Variants in CACNA1C observed in about 807,000 individuals in gnomAD.
The protein encoded by CACNA1C is calcium voltage-gated channel subunit alpha1 C, also known as voltage-dependent L-type calcium channel subunit alpha-1C.
A neutral mutation model predicts 229.0 loss-of-function variants in CACNA1C; 30 were observed. That is an observed-to-expected ratio of 0.13 (90% CI 0.10 to 0.18). The LOEUF is 0.18. Ranked by LOEUF, CACNA1C falls within the 10% of genes least tolerant of loss-of-function variation. CACNA1C has a pLI of 1.00. For missense variants in CACNA1C, 1,658 were observed against 2,845.0 expected, an observed-to-expected ratio of 0.58 and a Z score of 9.49; for synonymous variants, 1,114 against 1,132.5, an observed-to-expected ratio of 0.98 and a Z score of 0.33.
chr12:2,024,691 G>C (rs368298461), intron 1 of CACNA1C, among the ~76,000 whole-genome samples: 9 of 152,384 alleles, frequency 5.9e-5, no homozygotes, highest in Admixed American at 2.6e-4. Flanking sequence ...ACAAGTAGCA[G>C]GTTCTGACAT....
At chr12:2,620,150 A>G (rs930374212) in intron 29 of CACNA1C, among the ~76,000 whole-genome samples, 1 of 152,178 alleles carries the variant, frequency 6.6e-6, no homozygotes, top group East Asian at 1.9e-4. Flanking sequence ...ATGGCCTCCC[A>G]TTTTACATCT....
chr12:2,458,184 C>T (rs1231515040), intron 5 of CACNA1C, among the ~76,000 whole-genome samples: 1 of 152,212 alleles, frequency 6.6e-6, no homozygotes, highest in African/African-American at 2.4e-5. Context: ...TCCTCCCTTC[C>T]TGTCAAATGG....
At chr12:2,351,580 C>T (rs766438644) in intron 3 of CACNA1C, among the ~76,000 whole-genome samples, 1 of 152,178 alleles carries the variant, frequency 6.6e-6, no homozygotes, top group Non-Finnish European at 1.5e-5. Flanking sequence ...GTTGAGGGAC[C>T]TTAGGGTCCA....
chr12:1,992,023 C>T (rs2039547984), intron 1 of CACNA1C: 1 of 307,682 alleles, frequency 3.3e-6, no homozygotes, highest in Admixed American at 3.5e-5. Flanking sequence ...CAAAACAATT[C>T]AAACTATAAA....
intron 1 of CACNA1C, chr12:1,991,924 G>C (rs2039522899): frequency 5.9e-6 from 1 of 168,222 alleles, no homozygotes; most frequent in Non-Finnish European, 1.3e-5. Flanking sequence ...AGGTAACTTT[G>C]TAGTTATTTT....
At chr12:1,972,904 T>A (rs1399770503) in intron 1 of CACNA1C, among the ~76,000 whole-genome samples, 1 of 152,034 alleles carries the variant, frequency 6.6e-6, no homozygotes, top group Non-Finnish European at 1.5e-5. Flanking sequence ...AGTGGCAGTG[T>A]TTTCACAGCA....
intron 3 of CACNA1C, among the ~76,000 whole-genome samples, chr12:2,166,403 C>T (rs954477494): frequency 1.3e-5 from 2 of 152,174 alleles, no homozygotes; most frequent in African/African-American, 4.8e-5. Context: ...CTTCATATAG[C>T]CTTGGGCGTT....
Position 2,665,757 on chromosome 12 carries a change from A to C in CACNA1C, c.4526+49A>C. ...GATTCCCCAAGCTGAGAGAGGGTAT[A>C]GCTGACCATACCTGCAGGAGGGGCT... On this transcript the variant is annotated intron_variant, in intron 36 of 46. Transcript: ENST00000399655. The surrounding 1 kb of genome is among the most constrained non-coding windows in gnomAD (Gnocchi z 5.9). 6.3e-7 allele frequency: 1 copy of C among 1,578,086 alleles called. No individual in the cohort carries two copies. Among genetic ancestry groups the C allele is most frequent in the Non-Finnish European group, 8.6e-7 (1 of 1,159,918 alleles).
intron 3 of CACNA1C, among the ~76,000 whole-genome samples, chr12:2,441,335 A>C (rs768879152): frequency 6.6e-6 from 1 of 152,212 alleles, no homozygotes; most frequent in Non-Finnish European, 1.5e-5. Flanking sequence ...TAGACACTTC[A>C]GTCAGTCTCT....
Position 2,440,725 on chromosome 12 carries a change from C to T in CACNA1C, c.478-8251C>T, listed in dbSNP as rs369009095. 2.0e-4 allele frequency among the ~76,000 whole-genome samples: 30 copies of T among 152,352 alleles called. No homozygotes were observed. In the South Asian group the frequency reaches 6.2e-3, roughly 32 times the overall value. On this transcript the variant is annotated intron_variant, in intron 3 of 46. Coordinates refer to ENST00000399655, the MANE Select transcript of CACNA1C (RefSeq NM_000719.7). ...ATGTCAGACCAGCCATGGAGAAACT[C>T]TCATGCCCCTCACATAGGCAAGACA...
chr12:1,997,523 T>C (rs2041228991), intron 1 of CACNA1C, among the ~76,000 whole-genome samples: 1 of 152,040 alleles, frequency 6.6e-6, no homozygotes, highest in Non-Finnish European at 1.5e-5. Context: ...CGAGACTCCA[T>C]CTCAAAAAAA....
At chr12:2,233,685 T>A (rs759425057) in intron 3 of CACNA1C, among the ~76,000 whole-genome samples, 1 of 152,238 alleles carries the variant, frequency 6.6e-6, no homozygotes, top group Non-Finnish European at 1.5e-5. Flanking sequence ...CTTCTTCAGA[T>A]GCAAGGAGGC....
rs757106180 is a variant in CACNA1C at position 2,608,646 on chromosome 12, C to T, written c.3492C>T (p.Phe1164=). The T allele has an allele frequency of 8.1e-6, 13 of 1,614,020 alleles. No individual in the cohort carries two copies. In the African/African-American group the frequency reaches 1.3e-4, roughly 17 times the overall value. ...TCATGATGAACATCTTCGTGGGCTTCGTCATCGTCACCTTTCAGGAGCAGG... is the reference window on the plus strand; with the variant it reads ...TCATGATGAACATCTTCGTGGGCTTTGTCATCGTCACCTTTCAGGAGCAGG... ...AFFMMNIFVG[F]VIVTFQEQGE... The change falls in exon 27 of 47, where the codon TTC becomes TTT. Residue 1164 remains phenylalanine (F), a synonymous_variant. Coordinates refer to ENST00000399655, the MANE Select transcript of CACNA1C (RefSeq NM_000719.7). This position sits in a 1 kb window ranked among gnomAD's most constrained non-coding sequence, Gnocchi z 4.2.
In CACNA1C at chr12:2,174,876, C is replaced by G. The variant is rs977482502; in HGVS notation, c.477+54446C>G. Among the ~76,000 whole-genome samples the G allele has an allele frequency of 5.3e-5, 8 of 152,142 alleles. 1 individual carries two copies. Among genetic ancestry groups the G allele is most frequent in the Admixed American group, 5.2e-4 (8 of 15,268 alleles). ...TCCTAAGGAAGGTAAAATATATTTA[C>G]TATTCATTAAGTGGAAGTGAACCAT... On this transcript the variant is annotated intron_variant, in intron 3 of 46. Coordinates refer to ENST00000399655, the MANE Select transcript of CACNA1C (RefSeq NM_000719.7).
At chr12:2,474,787 GAAA>G (rs2099615263) in intron 5 of CACNA1C, among the ~76,000 whole-genome samples, 1 of 149,112 alleles carries the variant, frequency 6.7e-6, no homozygotes, top group African/African-American at 2.5e-5. Flanking sequence ...GAAAGAAAAA[GAAA>G]AAAAGAAATG....
At chr12:2,330,872 GAA>G (rs1321768132) in intron 3 of CACNA1C, among the ~76,000 whole-genome samples, 1 of 152,180 alleles carries the variant, frequency 6.6e-6, no homozygotes, top group Non-Finnish European at 1.5e-5. Context: ...AATGGAAAAA[GAA>G]GAAGAAAATA....
chr12:2,531,389 A>G (rs2099840709), intron 9 of CACNA1C, among the ~76,000 whole-genome samples: 1 of 152,178 alleles, frequency 6.6e-6, no homozygotes, highest in South Asian at 2.1e-4. Context: ...TCTGATACTA[A>G]CTGGCCCTGT....
At chr12:2,652,451 T>A (rs1455151417) in intron 32 of CACNA1C, among the ~76,000 whole-genome samples, 1 of 152,234 alleles carries the variant, frequency 6.6e-6, no homozygotes, top group Non-Finnish European at 1.5e-5. Context: ...TTCCCCCAGA[T>A]GAGCGCAGAA....
At chr12:1,995,274 T>C (rs957073640) in intron 1 of CACNA1C, among the ~76,000 whole-genome samples, 1 of 152,224 alleles carries the variant, frequency 6.6e-6, no homozygotes, top group African/African-American at 2.4e-5. Context: ...CTAATACATC[T>C]TTTCTGTCAC....
Sources: gnomAD v4.1 joint callset for allele counts (sites outside exome capture counted in the v4.1 genomes callset) on GRCh38, gnomAD v4.1.1 for gene constraint, Gnocchi (gnomAD v3.1) non-coding constraint, MANE v1.5 for transcripts, NCBI Gene and HGNC (gene_info 2026-07-23, HGNC 2026-07-21) for gene names.